The following DMBX1 variants were observed in gnomAD, a reference collection of about 807,000 sequenced individuals.
DMBX1 encodes the protein diencephalon/mesencephalon homeobox 1.
Under a neutral mutation model 30.4 loss-of-function variants are expected in DMBX1, and 7 were observed. The ratio of observed to expected loss-of-function variants is 0.23; its 90% CI spans 0.13 to 0.43. The LOEUF is 0.43. Among genes scored for constraint, DMBX1 ranks in the 20% least tolerant of loss-of-function variants. The pLI is 1.00. For missense variants in DMBX1, 460 were observed against 508.5 expected (o/e 0.90, Z 0.92); for synonymous variants, 222 against 214.2 (o/e 1.04, Z -0.32).
rs1353692112 is a variant in DMBX1 at position 46,491,961 on chromosome 1, A to G, written c.-13+1178A>G. 6.6e-6 allele frequency among the ~76,000 whole-genome samples: 1 copy of G among 152,142 alleles called. No homozygotes were observed. The highest frequency in any genetic ancestry group is 2.4e-5 in the African/African-American group (1 of 41,428). On this transcript the variant is annotated intron_variant, in intron 2 of 5. Coordinates refer to ENST00000360032, the MANE Select transcript of DMBX1 (RefSeq NM_172225.2). The surrounding 1 kb of genome is among the most constrained non-coding windows in gnomAD (Gnocchi z 5.5). Reference sequence around the variant, plus strand: ...TAATTGGCTCAAATCTCTCTCCTGTATGGCTGGGGTAGACACACTTTTGGG... The same window carrying G: ...TAATTGGCTCAAATCTCTCTCCTGTGTGGCTGGGGTAGACACACTTTTGGG...
At chr1:46,509,354 TG>T (rs1206999283) in intron 3 of DMBX1, among the ~76,000 whole-genome samples, 1 of 152,164 alleles carries the variant, frequency 6.6e-6, no homozygotes, top group Non-Finnish European at 1.5e-5. Context: ...CGTGAGCCAC[TG>T]TGCCGGGCCT....
At chr1:46,502,409 A>G (rs1666154397) in intron 2 of DMBX1, among the ~76,000 whole-genome samples, 1 of 151,778 alleles carries the variant, frequency 6.6e-6, no homozygotes, top group South Asian at 2.1e-4. Flanking sequence ...GCTATCAGCA[A>G]TCATGCTGAT....
At chr1:46,501,362 C>T (rs1322633433) in intron 2 of DMBX1, among the ~76,000 whole-genome samples, 1 of 151,624 alleles carries the variant, frequency 6.6e-6, no homozygotes, top group Admixed American at 6.6e-5. Flanking sequence ...GTCACTGCAA[C>T]CTCCACCTTC....
rs187656895 is a variant in DMBX1 at position 46,509,541 on chromosome 1, C to T, written c.155-935C>T. ...AGGAGAGCGGTTACTGTCTATCCTT[C>T]AGGGGCTAGTCAAGTGAAAGGGCTG... is the stretch of plus-strand genomic sequence containing the variant. On this transcript the variant is annotated intron_variant, in intron 3 of 5. Coordinates refer to ENST00000360032, the MANE Select transcript of DMBX1 (RefSeq NM_172225.2). Among the ~76,000 whole-genome samples the T allele has an allele frequency of 2.6e-5, 4 of 152,296 alleles. No individual in the cohort carries two copies. The East Asian group carries it at 7.7e-4, about 29-fold the overall frequency.
rs376372364 is a variant in DMBX1, at chr1:46,497,803, C to T, written c.-13+7020C>T. ...AAAGCCATCTATATGGCGCCTGTGG[C>T]GGGAGATCCGCCGATCTGCTTGCTT... On this transcript the variant is annotated intron_variant, in intron 2 of 5. Coordinates refer to ENST00000360032, the MANE Select transcript of DMBX1 (RefSeq NM_172225.2). Among the ~76,000 whole-genome samples, 47 of 152,348 alleles carry T rather than the reference C, an allele frequency of 3.1e-4. 4 individuals carry two copies. The highest frequency in any genetic ancestry group is 7.9e-4 in the African/African-American group (33 of 41,582).
At chr1:46,497,721 G>A (rs1483392325) in intron 2 of DMBX1, among the ~76,000 whole-genome samples, 2 of 152,228 alleles carry the variant, frequency 1.3e-5, no homozygotes, top group African/African-American at 2.4e-5. Context: ...TAGGCATTAG[G>A]CCGCAGCCAG....
chr1:46,512,208 T>C lies in DMBX1; in HGVS notation c.848T>C (p.Val283Ala), dbSNP rs770340034. The C allele has an allele frequency of 9.9e-6, 16 of 1,614,006 alleles. No individual in the cohort carries two copies. The Admixed American group carries it at 2.7e-4, about 27-fold the overall frequency. ...NNLVHYSSFE[V>A]GGPAPAAAAA... ...CTGGTGCACTACTCGTCCTTCGAAG[T>C]AGGGGGTCCGGCCCCTGCTGCTGCA... Residue 283 changes from valine (V) to alanine (A), a missense_variant, in exon 6 of 6, where the codon GTA becomes GCA. Coordinates refer to ENST00000360032, the MANE Select transcript of DMBX1 (RefSeq NM_172225.2). This position sits in a 1 kb window ranked among gnomAD's most constrained non-coding sequence, Gnocchi z 4.8.
chr1:46,504,006 C>A lies in DMBX1; in HGVS notation c.-12-2993C>A, dbSNP rs187884040. ...TGATGAATGGAATATTTCCTTGGAA[C>A]AATTGGCCGTGAAAGAATAAGGCTC... On this transcript the variant is annotated intron_variant, in intron 2 of 5. Coordinates refer to ENST00000360032, the MANE Select transcript of DMBX1 (RefSeq NM_172225.2). Among the ~76,000 whole-genome samples the A allele has an allele frequency of 2.0e-3, 303 of 152,346 alleles. 3 individuals are homozygous for A. The highest frequency in any genetic ancestry group is 6.9e-3 in the African/African-American group (285 of 41,566).
rs1271685418 is a variant in DMBX1, at chr1:46,493,917, C to A, written c.-13+3134C>A. ...GTACTCTGTAGTCCCTGTTTCCCAG[C>A]CCCGGCCTGGATCTGGATGGCCAAA... On this transcript the variant is annotated intron_variant, in intron 2 of 5. Coordinates refer to ENST00000360032, the MANE Select transcript of DMBX1 (RefSeq NM_172225.2). The surrounding 1 kb of genome is among the most constrained non-coding windows in gnomAD (Gnocchi z 4.1). 6.6e-6 allele frequency among the ~76,000 whole-genome samples: 1 copy of A among 152,238 alleles called. No individual in the cohort carries two copies. Among genetic ancestry groups the A allele is most frequent in the Non-Finnish European group, 1.5e-5 (1 of 68,046 alleles).
chr1:46,507,281 G>C, intron 3 of DMBX1, 117 bp downstream of exon 3: 1 of 1,327,282 alleles, frequency 7.5e-7, no homozygotes. Flanking sequence ...GGCTCAAAAA[G>C]ACTCAGGTCA....
Position 46,507,109 on chromosome 1 carries a change from T to A in DMBX1, c.99T>A (p.His33Gln), listed in dbSNP as rs981939829. 9 of 1,614,088 alleles carry A rather than the reference T, an allele frequency of 5.6e-6. No individual in the cohort carries two copies. The African/African-American group carries it at 1.2e-4, about 22-fold the overall frequency. ...LHQQAAQQAQ[H>Q]APDYRPSVHA... ...AGCAGGCAGCCCAGCAGGCCCAGCA[T>A]GCCCCCGACTACCGGCCTTCAGTGC... The change falls in exon 3 of 6, where the codon CAT becomes CAA. Residue 33 changes from histidine to glutamine, a missense_variant. This residue lies in a region of DMBX1 where 124 missense variants were observed against 144.0 expected (regional missense o/e 0.86). Coordinates refer to ENST00000360032, the MANE Select transcript of DMBX1 (RefSeq NM_172225.2).
chr1:46,501,272 C>CTTTTCT (rs1557786162), intron 2 of DMBX1, among the ~76,000 whole-genome samples: 1 of 83,892 alleles, frequency 1.2e-5, no homozygotes, highest in African/African-American at 5.5e-5. Context: ...CTTTCTTTCT[C>CTTTTCT]TTCTTTCTTT....
In DMBX1 at chr1:46,493,792, C is replaced by T. The variant is rs1010337097; in HGVS notation, c.-13+3009C>T. Among the ~76,000 whole-genome samples, 1 of 152,242 alleles carries T rather than the reference C, an allele frequency of 6.6e-6. No homozygotes were observed. Among genetic ancestry groups the T allele is most frequent in the Non-Finnish European group, 1.5e-5 (1 of 68,044 alleles). ...ATCTGTCAGTGTGCAGAGCAGGAGC[C>T]GCAACCGCGCTTTCTGCGCCCGCAG... On this transcript the variant is annotated intron_variant, in intron 2 of 5. Transcript: ENST00000360032. The surrounding 1 kb of genome is among the most constrained non-coding windows in gnomAD (Gnocchi z 4.1).
chr1:46,507,267 AG>A lies in DMBX1; in HGVS notation c.154+108del. On this transcript the variant is annotated intron_variant, in intron 3 of 5. Coordinates refer to ENST00000360032, the MANE Select transcript of DMBX1 (RefSeq NM_172225.2). ...AGGGAGCACTGGCCAAGCTTGTTCT[AG>A]GGGGCTCAAAAAGACTCAGGTCACT... 3 of 1,449,208 alleles carry A rather than the reference AG, an allele frequency of 2.1e-6. No homozygotes were observed. The South Asian group carries it at 4.1e-5, about 20-fold the overall frequency. The allele number at this position is 1,449,208 out of a possible 1,614,324, so 89.8% of individuals were successfully genotyped here.
At chr1:46,508,973 G>A (rs1169808765) in intron 3 of DMBX1, among the ~76,000 whole-genome samples, 2 of 152,134 alleles carry the variant, frequency 1.3e-5, no homozygotes, top group Non-Finnish European at 2.9e-5. Context: ...CTAGGATTAA[G>A]GTCAGTCTGT....
rs901184450 is a variant in DMBX1 at position 46,493,444 on chromosome 1, C to A, written c.-13+2661C>A. On this transcript the variant is annotated intron_variant, in intron 2 of 5. Transcript: ENST00000360032. This position sits in a 1 kb window ranked among gnomAD's most constrained non-coding sequence, Gnocchi z 4.1. ...TTAGTCACCTGTCCGTTCTTCCAAG[C>A]TTATTTGACTCTGCCCCAGTGTTGC... is the stretch of plus-strand genomic sequence containing the variant. Among the ~76,000 whole-genome samples, 6 of 152,232 alleles carry A rather than the reference C, an allele frequency of 3.9e-5. No individual in the cohort carries two copies. The highest frequency in any genetic ancestry group is 3.9e-4 in the Admixed American group (6 of 15,288).
At chr1:46,496,212 G>A (rs890584182) in intron 2 of DMBX1, among the ~76,000 whole-genome samples, 51 of 152,198 alleles carry the variant, frequency 3.4e-4, no homozygotes, top group African/African-American at 1.2e-3. Flanking sequence ...TAAAATAAGC[G>A]GCATCTGAGA....
intron 3 of DMBX1, among the ~76,000 whole-genome samples, chr1:46,508,300 G>A (rs981654614): frequency 6.6e-6 from 1 of 152,180 alleles, no homozygotes; most frequent in Admixed American, 6.5e-5. Flanking sequence ...GGATCAGCTG[G>A]GGTAGTCAGG....
rs1666447823 is a variant in DMBX1, at chr1:46,514,231, A to T, written c.*1737A>T. On this transcript the variant is annotated 3_prime_UTR_variant, in exon 6 of 6. Transcript: ENST00000360032. ...CCATCTCAAAAAAAAAAAAAAAATA[A>T]ATAAAAGCTGTGTGACCTTGGGCAA... 1 of 151,120 alleles carries T rather than the reference A, an allele frequency of 6.6e-6. No homozygotes were observed. The highest frequency in any genetic ancestry group is 2.4e-5 in the African/African-American group (1 of 40,870). The allele number at this position is 151,120 out of a possible 1,614,324, so 9.4% of individuals were successfully genotyped here.
Sources: gnomAD v4.1 joint callset for allele counts (sites outside exome capture counted in the v4.1 genomes callset) on GRCh38, gnomAD v4.1.1 for gene constraint, gnomAD v4.1.1 regional missense constraint, Gnocchi (gnomAD v3.1) non-coding constraint, MANE v1.5 for transcripts, NCBI Gene and HGNC (gene_info 2026-07-23, HGNC 2026-07-21) for gene names.